The following THSD7B variants were observed in gnomAD, a reference collection of about 807,000 sequenced individuals.
THSD7B encodes the protein thrombospondin type 1 domain containing 7B.
A neutral mutation model predicts 213.6 loss-of-function variants in THSD7B; 138 were observed. The ratio of observed to expected loss-of-function variants is 0.65; its 90% CI spans 0.56 to 0.74. The LOEUF (loss-of-function observed/expected upper bound fraction) is 0.74. THSD7B is among the 30% of genes least tolerant of loss of function. The probability of loss-of-function intolerance (pLI) is 0.00; values close to 1 mark genes in which losing one functional copy is unlikely to be tolerated. For synonymous variants in THSD7B, 742 were observed against 687.0 expected, an observed-to-expected ratio of 1.08 and a Z score of -1.25; for missense variants, 1,931 against 1,991.5, an observed-to-expected ratio of 0.97 and a Z score of 0.58.
intron 7 of THSD7B, among the ~76,000 whole-genome samples, chr2:137,196,632 G>C (rs764944322): frequency 6.6e-6 from 1 of 152,006 alleles, no homozygotes; most frequent in Non-Finnish European, 1.5e-5. Flanking sequence ...CATGTGGGTG[G>C]CTGAGACAGT....
intron 2 of THSD7B, among the ~76,000 whole-genome samples, chr2:136,933,545 C>T (rs891108059): frequency 6.6e-6 from 1 of 152,144 alleles, no homozygotes; most frequent in Non-Finnish European, 1.5e-5. Context: ...CACCACTGCA[C>T]TCCAACCTGG....
chr2:136,978,603 G>A (rs1280743644), intron 2 of THSD7B, among the ~76,000 whole-genome samples: 3 of 152,044 alleles, frequency 2.0e-5, no homozygotes, highest in African/African-American at 7.2e-5. Flanking sequence ...AACTAGGATT[G>A]CAACCCCTGC....
chr2:136,776,860 GCA>G (rs145111981), intron 1 of THSD7B, among the ~76,000 whole-genome samples: 4 of 151,616 alleles, frequency 2.6e-5, no homozygotes, highest in African/African-American at 4.8e-5. Context: ...ACACACGTAT[GCA>G]CACACACACA....
intron 1 of THSD7B, among the ~76,000 whole-genome samples, chr2:136,863,684 G>T (rs1290788960): frequency 6.6e-6 from 1 of 152,126 alleles, no homozygotes; most frequent in East Asian, 1.9e-4. Flanking sequence ...GTTGGCTTAG[G>T]GTCTTAGGAA....
rs183626343 is a variant in THSD7B at position 137,288,355 on chromosome 2, A to G, written c.2500+12329A>G. Among the ~76,000 whole-genome samples, 261 of 152,278 alleles carry G rather than the reference A, an allele frequency of 1.7e-3. 3 individuals are homozygous for G. In the Middle Eastern group the frequency reaches 0.031, roughly 18 times the overall value. ...CAAATCACTCTTTTAGCTGAGGTGTATGGGGAGTGAGAATTTAAAACCTAC... is the reference window on the plus strand; with the variant it reads ...CAAATCACTCTTTTAGCTGAGGTGTGTGGGGAGTGAGAATTTAAAACCTAC... On this transcript the variant is annotated intron_variant, in intron 12 of 27. Transcript: ENST00000409968.
At chr2:137,530,862 G>C (rs1271662858) in intron 15 of THSD7B, among the ~76,000 whole-genome samples, 2 of 151,996 alleles carry the variant, frequency 1.3e-5, no homozygotes, top group Admixed American at 1.3e-4. Context: ...AGCATGAGCT[G>C]AGTTGTTGGA....
At chr2:137,484,589 T>G (rs2105110811) in intron 15 of THSD7B, among the ~76,000 whole-genome samples, 1 of 82,476 alleles carries the variant, frequency 1.2e-5, no homozygotes, top group Admixed American at 1.4e-4. Context: ...CCCTGAGGAA[T>G]CGCCACACTG....
chr2:137,345,812 A>G (rs1684863577), intron 12 of THSD7B, among the ~76,000 whole-genome samples: 1 of 151,664 alleles, frequency 6.6e-6, no homozygotes, highest in African/African-American at 2.4e-5. Context: ...CAGCTGATGA[A>G]AAAAGAAAAA....
chr2:137,123,854 C>T (rs1392628246), intron 5 of THSD7B, among the ~76,000 whole-genome samples: 1 of 152,162 alleles, frequency 6.6e-6, no homozygotes. Flanking sequence ...TTTCTCTCCT[C>T]CCTCCTCCTT....
At chr2:137,299,177 T>A (rs1386287767) in intron 12 of THSD7B, among the ~76,000 whole-genome samples, 2 of 152,146 alleles carry the variant, frequency 1.3e-5, no homozygotes, top group African/African-American at 4.8e-5. Context: ...GAAGTCATTT[T>A]GGAGCTTTAA....
Position 136,896,956 on chromosome 2 carries a change from A to ATATAT in THSD7B, c.139+14640_139+14641insATATT, listed in dbSNP as rs1553456365. On this transcript the variant is annotated intron_variant, in intron 2 of 27. Coordinates refer to ENST00000409968, the MANE Select transcript of THSD7B (RefSeq NM_001316349.2). Reference sequence around the variant, plus strand: ...TATACATATATACATATATATATATATTTTTTTAAGACAGGGTCTCACTAT... The same window carrying ATATAT: ...TATACATATATACATATATATATATATATATTTTTTTTAAGACAGGGTCTCACTAT... Among the ~76,000 whole-genome samples, 27 of 150,248 alleles carry ATATAT rather than the reference A, an allele frequency of 1.8e-4. No homozygotes were observed. In the East Asian group the frequency reaches 4.9e-3, roughly 27 times the overall value.
chr2:137,393,151 T>C (rs921601625), intron 12 of THSD7B, among the ~76,000 whole-genome samples: 2 of 137,232 alleles, frequency 1.5e-5, no homozygotes, highest in Non-Finnish European at 3.3e-5. Flanking sequence ...TCCAGCTTTT[T>C]TTTTTTTAAT....
intron 17 of THSD7B, among the ~76,000 whole-genome samples, chr2:137,576,969 C>T (rs1003048677): frequency 2.6e-5 from 4 of 152,068 alleles, no homozygotes; most frequent in African/African-American, 9.7e-5. Context: ...GCTCTAAGCA[C>T]TTCCTCAACC....
At chr2:137,351,132 G>A (rs898393254) in intron 12 of THSD7B, among the ~76,000 whole-genome samples, 1 of 151,822 alleles carries the variant, frequency 6.6e-6, no homozygotes, top group Admixed American at 6.6e-5. Context: ...CATAGAGAGG[G>A]ACAATGTCTA....
chr2:137,585,762 T>C (rs1170771783), intron 17 of THSD7B, among the ~76,000 whole-genome samples: 3 of 152,212 alleles, frequency 2.0e-5, no homozygotes, highest in East Asian at 3.9e-4. Context: ...CTTTCAACTA[T>C]GTGGTCAATT....
intron 12 of THSD7B, among the ~76,000 whole-genome samples, chr2:137,390,764 G>C (rs962849913): frequency 6.6e-6 from 1 of 152,114 alleles, no homozygotes; most frequent in Non-Finnish European, 1.5e-5. Context: ...TTTATCAAAT[G>C]TTATTTCTGT....
At chr2:137,188,466 T>A (rs116535987) in intron 7 of THSD7B, among the ~76,000 whole-genome samples, 7,025 of 152,266 alleles carry the variant, frequency 0.046, 201 homozygotes, top group Admixed American at 0.069. Context: ...ATGAATAACC[T>A]GGAAAAATAG....
intron 2 of THSD7B, among the ~76,000 whole-genome samples, chr2:136,930,554 G>A (rs1461837578): frequency 6.6e-6 from 1 of 152,196 alleles, no homozygotes; most frequent in African/African-American, 2.4e-5. Flanking sequence ...ATAGTGCTGG[G>A]AAGATGAATC....
At chr2:137,451,066 C>A (rs764883856) in intron 15 of THSD7B, 43 bp downstream of exon 15, 12 of 1,459,558 alleles carry the variant, frequency 8.2e-6, no homozygotes, top group African/African-American at 1.4e-5. Context: ...AAAAAGCTAT[C>A]CTCATTATTA....
Sources: gnomAD v4.1 joint callset for allele counts (sites outside exome capture counted in the v4.1 genomes callset) on GRCh38, gnomAD v4.1.1 for gene constraint, MANE v1.5 for transcripts, NCBI Gene and HGNC (gene_info 2026-07-23, HGNC 2026-07-21) for gene names.